The following MGST1 variants were observed in gnomAD, a reference collection of about 807,000 sequenced individuals.
MGST1 encodes microsomal glutathione S-transferase 1, also known as glutathione S-transferase 12.
In MGST1, 5 loss-of-function variants were observed where a neutral mutation model predicts 8.9. The observed-to-expected ratio is 0.56, with a 90% CI of 0.29 to 1.19. MGST1 has a LOEUF of 1.19. Ranked by LOEUF, MGST1 falls within the 50% of genes most tolerant of loss-of-function variation. MGST1 has a pLI of 0.08. For synonymous variants in MGST1, 54 were observed against 67.8 expected (o/e 0.80, Z 1.00); for missense variants, 182 against 187.4 (o/e 0.97, Z 0.17).
chr12:16,464,300 T>G (rs1941240527), intron 4 of MGST1, among the ~76,000 whole-genome samples: 1 of 152,206 alleles, frequency 6.6e-6, no homozygotes, highest in Non-Finnish European at 1.5e-5. Context: ...CAGGCAAAAC[T>G]TCCAAGCTTC....
At position 16,548,357 on chromosome 12, in the gene MGST1, T is replaced by TTAAG. The variant is rs1481202593; in HGVS notation, n.483-41169_483-41166dup. 1 of 152,098 alleles carries TTAAG rather than the reference T, an allele frequency of 6.6e-6. No individual in the cohort carries two copies. Among genetic ancestry groups the TTAAG allele is most frequent in the Non-Finnish European group, 1.5e-5 (1 of 68,010 alleles). 9.4% of individuals were successfully genotyped at this position (152,098 alleles called of 1,614,324 possible). ...TAGAGATCATCTTAAATTTTGCCAATTAAGTGCAATCAAATAGTGTAACAC... is the reference window on the plus strand; with the variant it reads ...TAGAGATCATCTTAAATTTTGCCAATTAAGTAAGTGCAATCAAATAGTGTAACAC... On this transcript the variant is annotated intron_variant and non_coding_transcript_variant, in intron 4 of 4. Coordinates refer to the MGST1 transcript ENST00000538857. This position sits in a 1 kb window ranked among gnomAD's most constrained non-coding sequence, Gnocchi z 4.2.
intron 4 of MGST1, among the ~76,000 whole-genome samples, chr12:16,541,508 A>G (rs2137212992): frequency 6.6e-6 from 1 of 152,302 alleles, no homozygotes; most frequent in South Asian, 2.1e-4. Context: ...TTTTATGACA[A>G]TCTAATAAGA....
intron 4 of MGST1, among the ~76,000 whole-genome samples, chr12:16,572,325 T>C (rs1362822564): frequency 6.8e-6 from 1 of 147,630 alleles, no homozygotes; most frequent in East Asian, 2.0e-4. Context: ...GTTTTCTGCA[T>C]AGTGGTCCAA....
Position 16,402,246 on chromosome 12 carries a change from T to A in MGST1, n.778+18642T>A, listed in dbSNP as rs561515228. ...GACCATGGTAGTATCAGTTAGTTCA[T>A]AACCAAAGAGCCATGTCTGTAAGGC... On this transcript the variant is annotated intron_variant and non_coding_transcript_variant, in intron 1 of 1. Transcript: ENST00000359720. 9.1e-4 allele frequency: 1,452 copies of A among 1,588,198 alleles called. 22 individuals carry two copies. The South Asian group carries it at 9.9e-3, about 11-fold the overall frequency.
intron 4 of MGST1, among the ~76,000 whole-genome samples, chr12:16,556,812 C>T (rs2137294498): frequency 6.6e-6 from 1 of 152,220 alleles, no homozygotes; most frequent in African/African-American, 2.4e-5. Context: ...TGACTTCCCG[C>T]ATTAGTTTGT....
Position 16,419,538 on chromosome 12 carries a change from A to C in MGST1, n.779-17850A>C, listed in dbSNP as rs965667586. On this transcript the variant is annotated intron_variant and non_coding_transcript_variant, in intron 1 of 1. Transcript: ENST00000359720. ...TAAATTACCTTGTAATTACCATGCT[A>C]TCTGTAAGATACTGTAGGAAATATG... 8.5e-5 allele frequency among the ~76,000 whole-genome samples: 13 copies of C among 152,290 alleles called. No homozygotes were observed. In the South Asian group the frequency reaches 1.0e-3, roughly 12 times the overall value.
chr12:16,348,717 C>G (rs9332882), intron 1 of MGST1, among the ~76,000 whole-genome samples: 1 of 148,196 alleles, frequency 6.7e-6, no homozygotes, highest in Middle Eastern at 3.2e-3. Flanking sequence ...ATATGCTTTT[C>G]TTGGCCTTAG....
At chr12:16,419,866 A>G (rs1940819223) in intron 1 of MGST1, among the ~76,000 whole-genome samples, 1 of 152,184 alleles carries the variant, frequency 6.6e-6, no homozygotes. Flanking sequence ...CCATAGACAT[A>G]ACAAAGGCCA....
At chr12:16,471,986 T>C (rs1941292180) in intron 4 of MGST1, among the ~76,000 whole-genome samples, 1 of 151,876 alleles carries the variant, frequency 6.6e-6, no homozygotes. Flanking sequence ...TACTCACACA[T>C]TTCCCCAGTG....
At chr12:16,577,777 C>T (rs950128762) in intron 4 of MGST1, among the ~76,000 whole-genome samples, 14 of 152,264 alleles carry the variant, frequency 9.2e-5, no homozygotes, top group Middle Eastern at 3.4e-3. Context: ...ATCTCACCAA[C>T]ATAATAATAT....
At chr12:16,440,854 T>C (rs1941033190), downstream of MGST1, among the ~76,000 whole-genome samples, 1 of 151,894 alleles carries the variant, frequency 6.6e-6, no homozygotes, top group Admixed American at 6.6e-5. Flanking sequence ...ATGAGAGTTC[T>C]AGTTTCTCCA....
chr12:16,354,963 G>A (rs944485040), intron 2 of MGST1, among the ~76,000 whole-genome samples: 13 of 151,696 alleles, frequency 8.6e-5, no homozygotes, highest in Non-Finnish European at 1.3e-4. Context: ...TGGGGAGGGT[G>A]GTAGACAGAT....
intron 1 of MGST1, among the ~76,000 whole-genome samples, chr12:16,390,482 C>T (rs1009777583): frequency 2.6e-5 from 4 of 152,202 alleles, no homozygotes; most frequent in Middle Eastern, 3.4e-3. Context: ...CAGTGTCTGT[C>T]GTTCCCTTCT....
At chr12:16,390,396 G>A (rs932889213) in intron 1 of MGST1, among the ~76,000 whole-genome samples, 1 of 152,066 alleles carries the variant, frequency 6.6e-6, no homozygotes, top group Non-Finnish European at 1.5e-5. Flanking sequence ...TGTCACCCAG[G>A]CACTAAGCCT....
intron 4 of MGST1, among the ~76,000 whole-genome samples, chr12:16,542,660 A>G (rs577325451): frequency 1.3e-4 from 20 of 152,210 alleles, no homozygotes; most frequent in African/African-American, 4.8e-4. Flanking sequence ...AATGGCTACT[A>G]TGCAATGTAG....
At chr12:16,402,972 TTAAA>T (rs961960551) in intron 1 of MGST1, among the ~76,000 whole-genome samples, 9 of 150,440 alleles carry the variant, frequency 6.0e-5, no homozygotes, top group Admixed American at 4.0e-4. Context: ...TTTATTATTA[TTAAA>T]TAAATTATCT....
At chr12:16,432,790 T>A (rs888239492) in intron 1 of MGST1, among the ~76,000 whole-genome samples, 6 of 151,132 alleles carry the variant, frequency 4.0e-5, no homozygotes, top group African/African-American at 1.5e-4. Context: ...GCTGTGTAGA[T>A]AAATAGAGAA....
chr12:16,418,025 A>G (rs1031511761), intron 1 of MGST1, among the ~76,000 whole-genome samples: 1 of 152,164 alleles, frequency 6.6e-6, no homozygotes, highest in Non-Finnish European at 1.5e-5. Flanking sequence ...TCCTTGCTGT[A>G]GGGAAGGTCT....
chr12:16,365,058 T>C (rs1940160488), downstream of MGST1, among the ~76,000 whole-genome samples: 2 of 152,160 alleles, frequency 1.3e-5, no homozygotes, highest in African/African-American at 2.4e-5. Context: ...TGCCCTGTTA[T>C]TGGTGATATT....
Sources: gnomAD v4.1 joint callset for allele counts (sites outside exome capture counted in the v4.1 genomes callset) on GRCh38, gnomAD v4.1.1 for gene constraint, Gnocchi (gnomAD v3.1) non-coding constraint, MANE v1.5 for transcripts, NCBI Gene and HGNC (gene_info 2026-07-23, HGNC 2026-07-21) for gene names.